EPHA3: variants seen among roughly 807,000 people sequenced by gnomAD.
The protein encoded by EPHA3 is ephrin type-A receptor 3.
EPHA3 carries 42 observed loss-of-function variants against 107.1 expected under a neutral mutation model. That is an observed-to-expected ratio of 0.39 (90% CI 0.31 to 0.51). The LOEUF (loss-of-function observed/expected upper bound fraction) is 0.51, where lower values mean the gene tolerates loss of function less well. EPHA3 is among the 20% of genes least tolerant of loss of function. EPHA3 has a pLI of 0.78. For synonymous variants in EPHA3, 461 were observed against 424.8 expected, an observed-to-expected ratio of 1.09 and a Z score of -1.05; for missense variants, 1,183 against 1,211.2, an observed-to-expected ratio of 0.98 and a Z score of 0.35.
At chr3:89,217,079 T>A (rs1704238071) in intron 3 of EPHA3, among the ~76,000 whole-genome samples, 1 of 152,166 alleles carries the variant, frequency 6.6e-6, no homozygotes. Flanking sequence ...CACTTCTGTC[T>A]GTGTTTAGAG....
intron 2 of EPHA3, among the ~76,000 whole-genome samples, chr3:89,127,870 C>G (rs558652530): frequency 6.6e-6 from 1 of 152,162 alleles, no homozygotes; most frequent in South Asian, 2.1e-4. Context: ...ATACAAATTA[C>G]AGAGTGTGTA....
At chr3:89,219,707 TTTG>T (rs1559606404) in intron 3 of EPHA3, among the ~76,000 whole-genome samples, 2,511 of 19,446 alleles carry the variant, frequency 0.13, 755 homozygotes, top group African/African-American at 0.19. Flanking sequence ...TTTTTTGTTT[TTTG>T]TTTTTTTTTT....
At chr3:89,255,919 T>C (rs1705273282) in intron 3 of EPHA3, among the ~76,000 whole-genome samples, 1 of 150,266 alleles carries the variant, frequency 6.7e-6, no homozygotes, top group African/African-American at 2.5e-5. Flanking sequence ...AATAAATAAA[T>C]AAATAAATAA....
At chr3:89,262,633 G>C (rs1049913627) in intron 3 of EPHA3, among the ~76,000 whole-genome samples, 1 of 152,188 alleles carries the variant, frequency 6.6e-6, no homozygotes, top group African/African-American at 2.4e-5. Context: ...TCCCCGACCC[G>C]GTCGCATGAT....
chr3:89,111,213 T>A (rs1707097789), intron 1 of EPHA3, among the ~76,000 whole-genome samples: 1 of 152,066 alleles, frequency 6.6e-6, no homozygotes, highest in Admixed American at 6.6e-5. Context: ...TATTATAAGC[T>A]TCCCTTTGAG....
intron 1 of EPHA3, among the ~76,000 whole-genome samples, chr3:89,108,878 CA>C (rs1315352976): frequency 6.6e-5 from 10 of 152,156 alleles, no homozygotes; most frequent in Non-Finnish European, 1.3e-4. Context: ...GAACTTATAA[CA>C]GTAACATTTA....
chr3:89,229,318 G>A (rs1490093219), intron 3 of EPHA3, among the ~76,000 whole-genome samples: 1 of 151,748 alleles, frequency 6.6e-6, no homozygotes, highest in Non-Finnish European at 1.5e-5. Flanking sequence ...CAAGTTTGAA[G>A]AACTTCCACT....
At chr3:89,260,644 TG>T (rs1168098171) in intron 3 of EPHA3, among the ~76,000 whole-genome samples, 5 of 152,340 alleles carry the variant, frequency 3.3e-5, no homozygotes, top group African/African-American at 7.2e-5. Flanking sequence ...TGTTTGCATT[TG>T]GTTGCATTTT....
rs1317589623 is a variant in EPHA3, at chr3:89,450,212, AC to A, written c.2538del (p.Met847TrpfsTer10). 6.2e-7 allele frequency: 1 copy of A among 1,609,306 alleles called. No individual in the cohort carries two copies. Among genetic ancestry groups the A allele is most frequent in the African/African-American group, 1.3e-5 (1 of 74,830 alleles). The part of the protein sequence containing the change: ...KAVDEGYRLP[P>X]PMDCPAALYQ... ...CTGTAGATGAGGGCTATCGACTGCC[AC>A]CCCCCATGGACTGCCCAGCTGCCTT... On this transcript the variant is annotated frameshift_variant, in exon 15 of 17. Transcript: ENST00000336596. LOFTEE classifies it high-confidence loss of function.
chr3:89,301,750 A>C (rs115340597), intron 3 of EPHA3, among the ~76,000 whole-genome samples: 1 of 152,114 alleles, frequency 6.6e-6, no homozygotes, highest in Non-Finnish European at 1.5e-5. Flanking sequence ...ATGGAAATGT[A>C]TTCTAATTTT....
chr3:89,235,378 C>T (rs1011827067), intron 3 of EPHA3, among the ~76,000 whole-genome samples: 3 of 152,040 alleles, frequency 2.0e-5, no homozygotes, highest in Non-Finnish European at 2.9e-5. Context: ...AGATGTGAGC[C>T]TAAGATCAGA....
Position 89,239,513 on chromosome 3 carries a change from A to G in EPHA3, c.814+28993A>G, listed in dbSNP as rs543224203. On this transcript the variant is annotated intron_variant, in intron 3 of 16. Coordinates refer to ENST00000336596, the MANE Select transcript of EPHA3 (RefSeq NM_005233.6). The stretch of plus-strand genomic sequence containing the variant: ...TGCTGTAAATTTTAAAACCAAAGCC[A>G]CTATTTGTGCAGTATATATTTTAAC... 3.9e-5 allele frequency among the ~76,000 whole-genome samples: 6 copies of G among 152,174 alleles called. No individual in the cohort carries two copies. The South Asian group carries it at 1.0e-3, about 26-fold the overall frequency.
In EPHA3 at chr3:89,137,035, C is replaced by T. The variant is rs180999323; in HGVS notation, c.153+9762C>T. Among the ~76,000 whole-genome samples the T allele has an allele frequency of 1.6e-4, 25 of 151,624 alleles. No individual in the cohort carries two copies. The East Asian group carries it at 3.9e-3, about 24-fold the overall frequency. On this transcript the variant is annotated intron_variant, in intron 2 of 16. Coordinates refer to ENST00000336596, the MANE Select transcript of EPHA3 (RefSeq NM_005233.6). Reference sequence around the variant, plus strand: ...TGCACAGTTATTAAAATAAAAGTGACCAAAAATATACATATTATAATTTTA... The same window carrying T: ...TGCACAGTTATTAAAATAAAAGTGATCAAAAATATACATATTATAATTTTA...
intron 3 of EPHA3, among the ~76,000 whole-genome samples, chr3:89,249,468 G>C (rs1216692492): frequency 1.3e-5 from 2 of 151,918 alleles, no homozygotes; most frequent in Non-Finnish European, 2.9e-5. Flanking sequence ...ATTAGTATTA[G>C]TAGTGATTTT....
chr3:89,333,339 T>C (rs1299676264), intron 3 of EPHA3, among the ~76,000 whole-genome samples: 1 of 152,184 alleles, frequency 6.6e-6, no homozygotes, highest in Non-Finnish European at 1.5e-5. Flanking sequence ...TTCTAATTCA[T>C]CCACTACAAA....
chr3:89,321,314 A>ATCAGAAGTAATAT lies in EPHA3; in HGVS notation c.815-19601_815-19589dup, dbSNP rs569178461. ...GACACTAGCCAGCTAAACAGTGCCGATCAGAAGTAATATACAGATCTGCTG... is the reference window on the plus strand; with the variant it reads ...GACACTAGCCAGCTAAACAGTGCCGATCAGAAGTAATATTCAGAAGTAATATACAGATCTGCTG... On this transcript the variant is annotated intron_variant, in intron 3 of 16. Transcript: ENST00000336596. Among the ~76,000 whole-genome samples the ATCAGAAGTAATAT allele has an allele frequency of 4.6e-3, 707 of 152,196 alleles. 3 individuals carry two copies. Among genetic ancestry groups the ATCAGAAGTAATAT allele is most frequent in the African/African-American group, 0.016 (675 of 41,556 alleles).
intron 3 of EPHA3, among the ~76,000 whole-genome samples, chr3:89,306,202 A>C (rs1473765813): frequency 1.1e-4 from 17 of 152,104 alleles, no homozygotes; most frequent in Admixed American, 7.2e-4. Flanking sequence ...CAAAAGATAA[A>C]CCTGAGGCAC....
chr3:89,200,629 C>A (rs1705946723), intron 2 of EPHA3, among the ~76,000 whole-genome samples: 1 of 152,162 alleles, frequency 6.6e-6, no homozygotes, highest in Non-Finnish European at 1.5e-5. Context: ...CCAAATTGTT[C>A]CTGGCCTTAC....
chr3:89,144,373 T>C (rs1469177258), intron 2 of EPHA3, among the ~76,000 whole-genome samples: 1 of 151,726 alleles, frequency 6.6e-6, no homozygotes, highest in African/African-American at 2.4e-5. Context: ...TGTGTTTGCT[T>C]TGACCATCTA....
Sources: allele counts gnomAD v4.1 joint callset (sites outside exome capture counted in the v4.1 genomes callset), GRCh38; gene constraint gnomAD v4.1.1; transcripts MANE v1.5; gene names NCBI Gene and HGNC (gene_info 2026-07-23, HGNC 2026-07-21).